Variants in FAM184B observed in about 807,000 individuals in gnomAD.
FAM184B encodes family with sequence similarity 184 member B, also known as protein FAM184B.
In FAM184B, 111 loss-of-function variants were observed where a neutral mutation model predicts 135.9. The ratio of observed to expected loss-of-function variants is 0.82; its 90% CI spans 0.70 to 0.96. The LOEUF (loss-of-function observed/expected upper bound fraction) is 0.96, where lower values mean the gene tolerates loss of function less well. Among genes scored for constraint, FAM184B ranks in the 40% least tolerant of loss-of-function variants. FAM184B has a pLI of 0.00. For synonymous variants in FAM184B, 552 were observed against 524.8 expected (o/e 1.05, Z -0.71); for missense variants, 1,375 against 1,323.9 (o/e 1.04, Z -0.60).
chr4:17,653,040 T>C, intron 10 of FAM184B, 57 bp from the exon 11 acceptor site: 4 of 1,503,542 alleles, frequency 2.7e-6, no homozygotes, highest in Non-Finnish European at 3.6e-6. Flanking sequence ...GTGGGAGACC[T>C]GACTCCTTTG....
chr4:17,739,549 C>T (rs1426958711), intron 1 of FAM184B, among the ~76,000 whole-genome samples: 1 of 17,742 alleles, frequency 5.6e-5, no homozygotes, highest in Non-Finnish European at 1.4e-4. Context: ...ATATGTCATA[C>T]CAACTGTTTT....
chr4:17,743,279 G>A (rs1008044958), intron 1 of FAM184B, among the ~76,000 whole-genome samples: 6 of 152,336 alleles, frequency 3.9e-5, no homozygotes, highest in Admixed American at 1.3e-4. Flanking sequence ...GAGAGAGCTC[G>A]TGGAAAGAGG....
At chr4:17,732,306 G>A (rs768450292) in intron 1 of FAM184B, among the ~76,000 whole-genome samples, 1 of 152,188 alleles carries the variant, frequency 6.6e-6, no homozygotes, top group Non-Finnish European at 1.5e-5. Context: ...ACATTGAAAA[G>A]CTAGCAGAAG....
At chr4:17,691,190 A>T (rs968789352) in intron 6 of FAM184B, among the ~76,000 whole-genome samples, 4 of 152,318 alleles carry the variant, frequency 2.6e-5, no homozygotes, top group African/African-American at 4.8e-5. Context: ...TTTGAATCCC[A>T]GACCTGCTAC....
intron 1 of FAM184B, among the ~76,000 whole-genome samples, chr4:17,765,448 T>C (rs1016228787): frequency 6.6e-6 from 1 of 152,134 alleles, no homozygotes; most frequent in Non-Finnish European, 1.5e-5. Context: ...AATGACAAAC[T>C]GGGATCAACA....
intron 5 of FAM184B, among the ~76,000 whole-genome samples, chr4:17,699,559 A>T (rs2108961541): frequency 6.6e-6 from 1 of 152,272 alleles, no homozygotes; most frequent in South Asian, 2.1e-4. Context: ...ACATCTTTAA[A>T]GTGTTGAAAG....
intron 4 of FAM184B, 64 bp downstream of exon 4, chr4:17,705,688 C>A: frequency 6.5e-7 from 1 of 1,532,034 alleles, no homozygotes; most frequent in African/African-American, 1.4e-5. Context: ...CTCTACCTGA[C>A]GCTTATAATA....
chr4:17,725,877 T>C (rs972152376), intron 1 of FAM184B, among the ~76,000 whole-genome samples: 2 of 152,192 alleles, frequency 1.3e-5, no homozygotes, highest in African/African-American at 4.8e-5. Context: ...AAAATCATTA[T>C]GATTCAGCAA....
chr4:17,677,240 G>T (rs1421503611), intron 7 of FAM184B, among the ~76,000 whole-genome samples: 1 of 152,002 alleles, frequency 6.6e-6, no homozygotes, highest in African/African-American at 2.4e-5. Flanking sequence ...TAGAGATGGG[G>T]TTTTGCCGTG....
At chr4:17,694,612 G>A (rs184391686) in intron 5 of FAM184B, among the ~76,000 whole-genome samples, 1 of 152,228 alleles carries the variant, frequency 6.6e-6, no homozygotes, top group Admixed American at 6.5e-5. Flanking sequence ...AGGAGTGAAT[G>A]AGATAGTCTG....
At chr4:17,636,391 C>T (rs1715135581) in intron 15 of FAM184B, 137 bp downstream of exon 15, 1 of 705,776 alleles carries the variant, frequency 1.4e-6, no homozygotes, top group Non-Finnish European at 2.4e-6. Flanking sequence ...GCTTGAGCCA[C>T]CGCGCACGGC....
chr4:17,765,535 G>A (rs1422745291), intron 1 of FAM184B, among the ~76,000 whole-genome samples: 1 of 152,044 alleles, frequency 6.6e-6, no homozygotes, highest in Non-Finnish European at 1.5e-5. Context: ...ACAGTTCTTA[G>A]CAGCATATCA....
intron 10 of FAM184B, among the ~76,000 whole-genome samples, chr4:17,656,056 G>T (rs1490655567): frequency 1.3e-5 from 2 of 152,166 alleles, no homozygotes; most frequent in Non-Finnish European, 2.9e-5. Context: ...TATACCCGAT[G>T]GGCAGAGTGT....
chr4:17,635,274 A>C (rs947147601), intron 15 of FAM184B, among the ~76,000 whole-genome samples, 161 bp from the exon 16 acceptor site: 2 of 152,218 alleles, frequency 1.3e-5, no homozygotes, highest in African/African-American at 4.8e-5. Context: ...CTTTTGAGGA[A>C]GCACCTTTGC....
At chr4:17,762,568 T>TCTGC (rs1447698758) in intron 1 of FAM184B, among the ~76,000 whole-genome samples, 3 of 152,202 alleles carry the variant, frequency 2.0e-5, no homozygotes, top group African/African-American at 7.2e-5. Context: ...ACTTAAGGCC[T>TCTGC]CTGCCTGTGT....
At chr4:17,673,779 G>A (rs188601271) in intron 7 of FAM184B, among the ~76,000 whole-genome samples, 1 of 152,054 alleles carries the variant, frequency 6.6e-6, no homozygotes, top group Non-Finnish European at 1.5e-5. Context: ...GGTTGGGAAG[G>A]GGGTAAGGGA....
chr4:17,764,487 T>A (rs1257999532), intron 1 of FAM184B, among the ~76,000 whole-genome samples: 4 of 152,182 alleles, frequency 2.6e-5, no homozygotes, highest in South Asian at 2.1e-4. Context: ...GCCTTATTGG[T>A]AGGAGTTTTG....
intron 6 of FAM184B, among the ~76,000 whole-genome samples, chr4:17,689,638 A>T (rs568167646): frequency 7.8e-4 from 119 of 152,120 alleles, no homozygotes; most frequent in African/African-American, 2.8e-3. Context: ...AGCCTTTTTT[A>T]AAAAAATTAT....
intron 12 of FAM184B, among the ~76,000 whole-genome samples, chr4:17,647,375 C>T (rs1267762966): frequency 2.0e-5 from 3 of 151,794 alleles, no homozygotes; most frequent in Non-Finnish European, 4.4e-5. Flanking sequence ...CTCAGACTCC[C>T]GAGCCAGTAT....
Sources: allele counts gnomAD v4.1 joint callset (sites outside exome capture counted in the v4.1 genomes callset), GRCh38; gene constraint gnomAD v4.1.1; transcripts MANE v1.5; gene names NCBI Gene and HGNC (gene_info 2026-07-23, HGNC 2026-07-21).